Variants in QRFPR observed in about 807,000 individuals in gnomAD.
The protein encoded by QRFPR is pyroglutamylated RFamide peptide receptor, also known as pyroglutamylated RF-amide peptide receptor.
A neutral mutation model predicts 31.3 loss-of-function variants in QRFPR; 37 were observed. The ratio of observed to expected loss-of-function variants is 1.18; its 90% CI spans 0.91 to 1.56. The LOEUF is 1.56. QRFPR is among the 40% of genes most tolerant of loss of function. QRFPR has a pLI of 0.00. For missense variants in QRFPR, 542 were observed against 532.5 expected (o/e 1.02, Z -0.18); for synonymous variants, 197 against 192.0 (o/e 1.03, Z -0.22).
At chr4:121,350,067 G>C (rs2110474167) in intron 1 of QRFPR, among the ~76,000 whole-genome samples, 1 of 152,324 alleles carries the variant, frequency 6.6e-6, no homozygotes, top group African/African-American at 2.4e-5. Context: ...CCTATGGAAA[G>C]TGACATCACA....
At chr4:121,376,261 G>C (rs894961149) in intron 1 of QRFPR, among the ~76,000 whole-genome samples, 2 of 152,202 alleles carry the variant, frequency 1.3e-5, no homozygotes, top group African/African-American at 2.4e-5. Context: ...GAGTCCTGGG[G>C]AGTAGAGAGT....
chr4:121,370,195 C>A (rs1726208065), intron 1 of QRFPR: 2 of 773,164 alleles, frequency 2.6e-6, no homozygotes, highest in Non-Finnish European at 4.8e-6. Flanking sequence ...GGGATGCTGC[C>A]CATGTCTGAT....
At chr4:121,379,825 C>T (rs1726436473) in intron 1 of QRFPR, among the ~76,000 whole-genome samples, 1 of 152,074 alleles carries the variant, frequency 6.6e-6, no homozygotes, top group Non-Finnish European at 1.5e-5. Flanking sequence ...GGAAGTGAGG[C>T]TGGAGGGTGG....
intron 1 of QRFPR, among the ~76,000 whole-genome samples, chr4:121,362,319 A>AT (rs34325960): frequency 1.6e-4 from 24 of 148,374 alleles, no homozygotes; most frequent in East Asian, 1.0e-3. Flanking sequence ...TTTTAAAAGC[A>AT]TTTTTTTTTC....
chr4:121,378,994 A>T (rs1323963164), intron 1 of QRFPR, among the ~76,000 whole-genome samples: 10 of 152,192 alleles, frequency 6.6e-5, no homozygotes, highest in African/African-American at 2.4e-4. Context: ...CCGTATGATG[A>T]TCAAAAAATA....
In QRFPR at chr4:121,380,308, C is replaced by A. The variant is rs1726460973; in HGVS notation, c.340G>T (p.Gly114Cys). The change falls in exon 1 of 6, where the codon GGT becomes TGT. Residue 114 changes from glycine (G) to cysteine (C), a missense_variant and splice_region_variant. Gly to Cys is a radical substitution (Grantham distance 159). Coordinates refer to ENST00000394427, the MANE Select transcript of QRFPR (RefSeq NM_198179.3). ...LQNISDNWLGGAFICKMVPFV... is the reference protein window; with the variant it reads ...LQNISDNWLGCAFICKMVPFV... ...CGAAGGAGCGGGGCGCGACTCTTAC[C>A]CCCCAGCCAGTTGTCGGAAATGTTC... 2.5e-6 allele frequency: 4 copies of A among 1,607,888 alleles called. No homozygotes were observed. Among genetic ancestry groups the A allele is most frequent in the East Asian group, 4.5e-5 (2 of 44,704 alleles).
At chr4:121,355,105 C>T (rs1009112828) in intron 1 of QRFPR, among the ~76,000 whole-genome samples, 1 of 151,906 alleles carries the variant, frequency 6.6e-6, no homozygotes, top group Non-Finnish European at 1.5e-5. Context: ...GGAAGTATTC[C>T]TTCCGCTTTG....
At chr4:121,370,518 C>T (rs367582001) in intron 1 of QRFPR, among the ~76,000 whole-genome samples, 11 of 152,332 alleles carry the variant, frequency 7.2e-5, no homozygotes, top group African/African-American at 1.4e-4. Context: ...CCTGCTGCCG[C>T]GGGACTGCCT....
intron 1 of QRFPR, among the ~76,000 whole-genome samples, chr4:121,359,246 T>C (rs1171979821): frequency 6.6e-6 from 1 of 152,196 alleles, no homozygotes; most frequent in Non-Finnish European, 1.5e-5. Context: ...GGAAGACAGC[T>C]GATGTGATGG....
In QRFPR at chr4:121,330,436, C is replaced by A. The variant is rs778990902; in HGVS notation, c.885G>T (p.Met295Ile). 2 of 1,608,200 alleles carry A rather than the reference C, an allele frequency of 1.2e-6. No homozygotes were observed. The highest frequency in any genetic ancestry group is 1.1e-5 in the South Asian group (1 of 90,834). Residue 295 changes from methionine to isoleucine, a missense_variant, in exon 5 of 6, where the codon ATG (methionine) becomes ATT (isoleucine). Coordinates refer to ENST00000394427, the MANE Select transcript of QRFPR (RefSeq NM_198179.3). ...ATGACAAGCACTCACTGTATTCAAT[C>A]ATCATATGGACAACATGGAATGGTG... ...CWAPFHVVHM[M>I]IEYSNFEKEY...
intron 1 of QRFPR, among the ~76,000 whole-genome samples, chr4:121,378,085 G>A (rs1186931266): frequency 6.6e-6 from 1 of 151,876 alleles, no homozygotes; most frequent in Non-Finnish European, 1.5e-5. Context: ...GATAAACATA[G>A]GCCACCTCCA....
chr4:121,342,327 T>C (rs1725558958), intron 1 of QRFPR, among the ~76,000 whole-genome samples: 1 of 152,190 alleles, frequency 6.6e-6, no homozygotes, highest in Non-Finnish European at 1.5e-5. Flanking sequence ...CCTGGGCATC[T>C]AGGTGGCAGA....
intron 3 of QRFPR, among the ~76,000 whole-genome samples, chr4:121,335,060 G>A (rs559734252): frequency 6.6e-6 from 1 of 152,256 alleles, no homozygotes; most frequent in South Asian, 2.1e-4. Context: ...TTAATCAGAT[G>A]TTTTCCTGAC....
intron 1 of QRFPR, among the ~76,000 whole-genome samples, chr4:121,341,211 A>G (rs1476651380): frequency 2.0e-5 from 3 of 152,230 alleles, no homozygotes; most frequent in Non-Finnish European, 4.4e-5. Flanking sequence ...AGTTTAAAAT[A>G]TTTGAATGTA....
In QRFPR at chr4:121,380,309, C is replaced by A. The variant is rs1726461036; in HGVS notation, c.339G>T (p.Gly113=). 1.2e-6 allele frequency: 2 copies of A among 1,610,762 alleles called. No homozygotes were observed. Among genetic ancestry groups the A allele is most frequent in the Non-Finnish European group, 1.7e-6 (2 of 1,178,160 alleles). Residue 113 remains glycine (G), a splice_region_variant and synonymous_variant, in exon 1 of 6, where the codon GGG becomes GGT. Coordinates refer to ENST00000394427, the MANE Select transcript of QRFPR (RefSeq NM_198179.3). ...MLQNISDNWL[G]GAFICKMVPF... is the part of the protein sequence containing the mutation. ...GAAGGAGCGGGGCGCGACTCTTACC[C>A]CCCAGCCAGTTGTCGGAAATGTTCT...
intron 1 of QRFPR, among the ~76,000 whole-genome samples, chr4:121,360,758 C>T (rs1027468433): frequency 6.6e-6 from 1 of 152,172 alleles, no homozygotes; most frequent in Non-Finnish European, 1.5e-5. Context: ...GAAGCTCAAA[C>T]TCCTTAACAC....
At chr4:121,336,924 G>T in intron 2 of QRFPR, 56 bp from the exon 3 acceptor site, 1 of 1,439,562 alleles carries the variant, frequency 6.9e-7, no homozygotes, top group Non-Finnish European at 9.8e-7. Context: ...ACACATCCAT[G>T]CATAATTATC....
intron 1 of QRFPR, among the ~76,000 whole-genome samples, chr4:121,350,086 G>A (rs1262708689): frequency 6.6e-6 from 1 of 152,162 alleles, no homozygotes; most frequent in Non-Finnish European, 1.5e-5. Context: ...CAGGTGAGTT[G>A]GATGACAAAA....
At position 121,365,557 on chromosome 4, in the gene QRFPR, A is replaced by AAT. The variant is rs1560743707; in HGVS notation, c.340+14749_340+14750dup. Among the ~76,000 whole-genome samples the AAT allele has an allele frequency of 1.7e-3, 23 of 13,378 alleles. 3 individuals are homozygous for AAT. The highest frequency in any genetic ancestry group is 4.5e-3 in the African/African-American group (10 of 2,208). The allele number at this position is 13,378 out of a possible 152,430, so 8.8% of individuals were successfully genotyped here. ...ATAATATATATTATATATAATATAT[A>AAT]ATATATATTATATATAATATATATT... On this transcript the variant is annotated intron_variant, in intron 1 of 5. Coordinates refer to ENST00000394427, the MANE Select transcript of QRFPR (RefSeq NM_198179.3).
Sources: allele counts gnomAD v4.1 joint callset (sites outside exome capture counted in the v4.1 genomes callset), GRCh38; gene constraint gnomAD v4.1.1; transcripts MANE v1.5; gene names NCBI Gene and HGNC (gene_info 2026-07-23, HGNC 2026-07-21).